ZNF407: variants seen among roughly 807,000 people sequenced by gnomAD.
ZNF407 encodes zinc finger protein 407.
A neutral mutation model predicts 131.2 loss-of-function variants in ZNF407; 17 were observed. The observed-to-expected ratio is 0.13, with a 90% CI of 0.09 to 0.19. The LOEUF (loss-of-function observed/expected upper bound fraction) is 0.19. Ranked by LOEUF, ZNF407 falls within the 10% of genes least tolerant of loss-of-function variation. The pLI, the probability that ZNF407 is intolerant of heterozygous loss-of-function variation, is 1.00. For missense variants in ZNF407, 2,681 were observed against 2,830.6 expected, an observed-to-expected ratio of 0.95 and a Z score of 1.20; for synonymous variants, 1,156 against 1,062.0, an observed-to-expected ratio of 1.09 and a Z score of -1.72.
intron 8 of ZNF407, among the ~76,000 whole-genome samples, chr18:75,010,695 A>G (rs1599292341): frequency 6.6e-6 from 1 of 151,408 alleles, no homozygotes; most frequent in African/African-American, 2.4e-5. Context: ...AGAAGGAACA[A>G]CTCCTGCCGT....
intron 7 of ZNF407, among the ~76,000 whole-genome samples, chr18:74,912,880 A>G (rs1434329936): frequency 6.6e-6 from 1 of 152,236 alleles, no homozygotes; most frequent in Non-Finnish European, 1.5e-5. Flanking sequence ...TTAGAAAAAA[A>G]GAGCAAAAAT....
At chr18:74,793,235 A>G (rs1157559273) in intron 4 of ZNF407, among the ~76,000 whole-genome samples, 2 of 152,238 alleles carry the variant, frequency 1.3e-5, no homozygotes, top group African/African-American at 4.8e-5. Context: ...GTTGGTGTAG[A>G]TAAATAATAA....
intron 1 of ZNF407, among the ~76,000 whole-genome samples, chr18:74,621,737 A>AGGAG (rs1239101428): frequency 6.6e-6 from 1 of 152,174 alleles, no homozygotes; most frequent in Non-Finnish European, 1.5e-5. Flanking sequence ...CGTACTCAAG[A>AGGAG]GGAGGGGAAT....
At chr18:74,652,338 T>A (rs1985265097) in intron 3 of ZNF407, among the ~76,000 whole-genome samples, 1 of 152,106 alleles carries the variant, frequency 6.6e-6, no homozygotes, top group Admixed American at 6.6e-5. Flanking sequence ...ATAAAGGGTT[T>A]TAATACTTGC....
At chr18:74,942,194 G>A (rs544935594) in intron 8 of ZNF407, among the ~76,000 whole-genome samples, 1 of 152,260 alleles carries the variant, frequency 6.6e-6, no homozygotes, top group African/African-American at 2.4e-5. Context: ...AAACTTTTTT[G>A]CACGAATCTC....
chr18:75,013,144 C>A lies in ZNF407; in HGVS notation c.5429-50006C>A, dbSNP rs913936525. On this transcript the variant is annotated intron_variant, in intron 8 of 8. Coordinates refer to ENST00000299687, the MANE Select transcript of ZNF407 (RefSeq NM_017757.3). ...ACAGTCATTTTGCTGTGCTGCAGATCGCCTGCGTGGGAGTCAGGATGCATA... is the reference window on the plus strand; with the variant it reads ...ACAGTCATTTTGCTGTGCTGCAGATAGCCTGCGTGGGAGTCAGGATGCATA... Among the ~76,000 whole-genome samples the A allele has an allele frequency of 6.6e-5, 10 of 152,116 alleles. No homozygotes were observed. In the South Asian group the frequency reaches 1.5e-3, roughly 22 times the overall value.
Position 75,063,884 on chromosome 18 carries a change from G to T in ZNF407, c.6163G>T (p.Val2055Leu). The change falls in exon 9 of 9, where the codon GTG becomes TTG. Residue 2055 changes from valine (V) to leucine (L), a missense_variant. Val to Leu is a conservative substitution (Grantham distance 32, BLOSUM62 1). This residue lies in a region of ZNF407 where 620 missense variants were observed against 583.1 expected (regional missense o/e 1.06). Transcript: ENST00000299687. This position sits in a 1 kb window ranked among gnomAD's most constrained non-coding sequence, Gnocchi z 6.6. Reference sequence around the variant, plus strand: ...CCAGGAGAGCCCGGCCGCCGTGGAGGTGCTCACCCAGGTGGTCCATCCCTC... The same window carrying T: ...CCAGGAGAGCCCGGCCGCCGTGGAGTTGCTCACCCAGGTGGTCCATCCCTC... ...QAQESPAAVE[V>L]LTQVVHPSAA... 2 of 1,613,166 alleles carry T rather than the reference G, an allele frequency of 1.2e-6. No individual in the cohort carries two copies. The highest frequency in any genetic ancestry group is 1.1e-5 in the South Asian group (1 of 91,052).
In ZNF407 at chr18:74,656,442, C is replaced by T. The variant is rs139577954; in HGVS notation, c.4802+15320C>T. On this transcript the variant is annotated intron_variant, in intron 3 of 8. Transcript: ENST00000299687. ...AAAGGACAAAGGATTTTTGACCCCACCCTGAGACTGTGCAATGTAAGTTTA... is the reference window on the plus strand; with the variant it reads ...AAAGGACAAAGGATTTTTGACCCCATCCTGAGACTGTGCAATGTAAGTTTA... Among the ~76,000 whole-genome samples, 532 of 152,084 alleles carry T rather than the reference C, an allele frequency of 3.5e-3. 5 individuals are homozygous for T. Among genetic ancestry groups the T allele is most frequent in the African/African-American group, 0.013 (521 of 41,462 alleles).
At chr18:74,884,940 T>A (rs141397689) in intron 6 of ZNF407, among the ~76,000 whole-genome samples, 239 of 152,248 alleles carry the variant, frequency 1.6e-3, no homozygotes, top group Middle Eastern at 3.4e-3. Context: ...AAATGAATAG[T>A]TTGAAGACAC....
chr18:74,893,053 C>T (rs987456367), intron 7 of ZNF407, among the ~76,000 whole-genome samples: 6 of 152,016 alleles, frequency 3.9e-5, no homozygotes, highest in East Asian at 1.9e-4. Flanking sequence ...ATGTATTATA[C>T]GTTTTACTAA....
At chr18:74,929,249 TCCTTCCCGGCTC>T (rs1160581805) in intron 8 of ZNF407, among the ~76,000 whole-genome samples, 1 of 152,190 alleles carries the variant, frequency 6.6e-6, no homozygotes, top group Non-Finnish European at 1.5e-5. Flanking sequence ...CGCCAGCGCT[TCCTTCCCGGCTC>T]CCTTCCCTGC....
chr18:74,645,204 A>G (rs1015993547), intron 3 of ZNF407, among the ~76,000 whole-genome samples: 2 of 152,112 alleles, frequency 1.3e-5, no homozygotes, highest in Admixed American at 6.5e-5. Context: ...TAAAGATTAT[A>G]TCATCCCATT....
At chr18:74,706,985 A>G (rs906196346) in intron 3 of ZNF407, among the ~76,000 whole-genome samples, 2 of 136,872 alleles carry the variant, frequency 1.5e-5, no homozygotes, top group African/African-American at 5.8e-5. Context: ...AGTCTCACGC[A>G]TTGTCGCCCA....
intron 8 of ZNF407, among the ~76,000 whole-genome samples, chr18:74,925,087 G>A (rs1223014959): frequency 6.6e-6 from 1 of 152,136 alleles, no homozygotes; most frequent in Non-Finnish European, 1.5e-5. Context: ...AAATTGAGCA[G>A]TATGTAATGA....
chr18:74,846,855 G>A (rs1187359249), intron 4 of ZNF407, among the ~76,000 whole-genome samples: 1 of 151,774 alleles, frequency 6.6e-6, no homozygotes, highest in Non-Finnish European at 1.5e-5. Context: ...TTAGCTGGGT[G>A]TGGTGGTGCA....
intron 8 of ZNF407, among the ~76,000 whole-genome samples, chr18:75,029,033 C>T (rs1197115325): frequency 6.6e-6 from 1 of 152,130 alleles, no homozygotes; most frequent in South Asian, 2.1e-4. Context: ...GTTGTAGTCA[C>T]GAATAAAATT....
intron 8 of ZNF407, among the ~76,000 whole-genome samples, chr18:74,976,190 G>A (rs1187536791): frequency 6.6e-6 from 1 of 152,160 alleles, no homozygotes; most frequent in African/African-American, 2.4e-5. Context: ...CCCCCTTGCA[G>A]TCAGGAATAA....
rs139379608 is a variant in ZNF407, at chr18:74,680,604, G to A, written c.4802+39482G>A. Reference sequence around the variant, plus strand: ...CTCCCGCCCCTCTGTTTTTTTGTATGTGTGGTTAGGAGTGATGGTTGAAGC... The same window carrying A: ...CTCCCGCCCCTCTGTTTTTTTGTATATGTGGTTAGGAGTGATGGTTGAAGC... On this transcript the variant is annotated intron_variant, in intron 3 of 8. Coordinates refer to ENST00000299687, the MANE Select transcript of ZNF407 (RefSeq NM_017757.3). Among the ~76,000 whole-genome samples the A allele has an allele frequency of 1.4e-3, 209 of 152,098 alleles. 1 individual carries two copies. The highest frequency in any genetic ancestry group is 0.013 in the Admixed American group (199 of 15,292).
intron 4 of ZNF407, among the ~76,000 whole-genome samples, chr18:74,801,171 A>G (rs937622025): frequency 1.3e-5 from 2 of 152,164 alleles, no homozygotes; most frequent in African/African-American, 2.4e-5. Flanking sequence ...TTGATCATCA[A>G]TTATCAACTA....
Sources: allele counts gnomAD v4.1 joint callset (sites outside exome capture counted in the v4.1 genomes callset), GRCh38; gene constraint gnomAD v4.1.1; regional missense constraint gnomAD v4.1.1; non-coding constraint Gnocchi (gnomAD v3.1); transcripts MANE v1.5; gene names NCBI Gene and HGNC (gene_info 2026-07-23, HGNC 2026-07-21).